ACAT1: variants seen among roughly 807,000 people sequenced by gnomAD.
ACAT1 encodes the protein acetyl-CoA acetyltransferase 1, also known as acetyl-CoA acetyltransferase, mitochondrial.
ACAT1 carries 28 observed loss-of-function variants against 47.3 expected under a neutral mutation model. The ratio of observed to expected loss-of-function variants is 0.59; its 90% CI spans 0.44 to 0.81. The LOEUF (loss-of-function observed/expected upper bound fraction) is 0.81, where lower values mean the gene tolerates loss of function less well. ACAT1 is among the 30% of genes least tolerant of loss of function. The pLI, the probability that ACAT1 is intolerant of heterozygous loss-of-function variation, is 0.00. For missense variants in ACAT1, 469 were observed against 524.3 expected, an observed-to-expected ratio of 0.89 and a Z score of 1.03; for synonymous variants, 181 against 173.6, an observed-to-expected ratio of 1.04 and a Z score of -0.34.
chr11:108,134,372 C>G, intron 4 of ACAT1, 56 bp downstream of exon 4: 1 of 1,412,960 alleles, frequency 7.1e-7, no homozygotes, highest in Non-Finnish European at 1.0e-6. Context: ...GGGCCGGGTG[C>G]GGTGGCTCAT....
chr11:108,123,550 C>A (rs2077188836), intron 1 of ACAT1, among the ~76,000 whole-genome samples: 1 of 152,172 alleles, frequency 6.6e-6, no homozygotes, highest in Non-Finnish European at 1.5e-5. Context: ...TCACTTTTCT[C>A]TCTCTGGTCA....
chr11:108,142,627 C>T (rs759462500), intron 9 of ACAT1, 77 bp downstream of exon 9: 12 of 1,235,012 alleles, frequency 9.7e-6, no homozygotes, highest in Admixed American at 5.4e-5. Context: ...GCTTGAGCCC[C>T]GGAGTTCGAA....
At chr11:108,121,200 C>CA (rs10561331), upstream of ACAT1, 2,198 of 251,970 alleles carry the variant, frequency 8.7e-3, 9 homozygotes, top group Non-Finnish European at 0.013. Context: ...GACCTTGTCT[C>CA]AAAAAAAAAA....
intron 8 of ACAT1, 51 bp from the exon 9 acceptor site, chr11:108,142,386 T>C (rs974776947): frequency 7.2e-7 from 1 of 1,392,070 alleles, no homozygotes; most frequent in African/African-American, 1.4e-5. Context: ...TTGAACCAAA[T>C]ACATTTATTG....
chr11:108,137,387 T>G (rs2077488013), intron 5 of ACAT1, among the ~76,000 whole-genome samples: 1 of 152,110 alleles, frequency 6.6e-6, no homozygotes. Flanking sequence ...TGTAAAGGCT[T>G]TATATATTAT....
At chr11:108,138,336 C>A (rs1226379463) in intron 5 of ACAT1, among the ~76,000 whole-genome samples, 1 of 143,382 alleles carries the variant, frequency 7.0e-6, no homozygotes, top group Non-Finnish European at 1.5e-5. Flanking sequence ...GAGACAGAGC[C>A]TTGCTGTCAC....
intron 1 of ACAT1, chr11:108,129,042 C>T (rs753318866): frequency 5.3e-5 from 8 of 152,170 alleles, no homozygotes; most frequent in Non-Finnish European, 1.2e-4. Context: ...CCCCACCCCC[C>T]GCCTTTCCCC....
intron 1 of ACAT1, among the ~76,000 whole-genome samples, chr11:108,129,605 T>G (rs1368293927): frequency 6.6e-6 from 1 of 152,050 alleles, no homozygotes; most frequent in Non-Finnish European, 1.5e-5. Context: ...CCGACCTCAT[T>G]ATCCGCCCGC....
chr11:108,121,806 C>A, intron 1 of ACAT1, 128 bp downstream of exon 1: 1 of 1,060,512 alleles, frequency 9.4e-7, no homozygotes, highest in Non-Finnish European at 1.4e-6. Context: ...AGGACAGTCA[C>A]GCGACGGGTT....
Position 108,147,519 on chromosome 11 carries a change from T to A in ACAT1, c.*129T>A, listed in dbSNP as rs1227588201. ...TTTTATTATTTTCTATGTTAACTTT[T>A]AAAAATCAAAATGATGAAATCCCAA... On this transcript the variant is annotated 3_prime_UTR_variant, in exon 12 of 12. Transcript: ENST00000265838. 4 of 1,237,898 alleles carry A rather than the reference T, an allele frequency of 3.2e-6. No homozygotes were observed. Among genetic ancestry groups the A allele is most frequent in the African/African-American group, 3.1e-5 (2 of 65,382 alleles). 76.7% of individuals were successfully genotyped at this position (1,237,898 alleles called of 1,614,324 possible).
rs2077706966 is a variant in ACAT1, at chr11:108,146,273, T to G, written c.1077T>G (p.Val359=). Residue 359 remains valine, a synonymous_variant, in exon 11 of 12, where the codon GTT becomes GTG. Coordinates refer to ENST00000265838, the MANE Select transcript of ACAT1 (RefSeq NM_000019.4). ...AAGTAAATGAAGCCTTTAGTCTGGT[T>G]GTACTAGCAAACATTAAAATGTTGG... ...MWEVNEAFSL[V]VLANIKMLEI... 1 of 1,613,660 alleles carries G rather than the reference T, an allele frequency of 6.2e-7. No homozygotes were observed. The highest frequency in any genetic ancestry group is 1.3e-5 in the African/African-American group (1 of 74,928).
At chr11:108,127,422 G>A (rs1437391413) in intron 1 of ACAT1, among the ~76,000 whole-genome samples, 4 of 151,866 alleles carry the variant, frequency 2.6e-5, no homozygotes, top group Admixed American at 1.3e-4. Context: ...CCGCCACCAC[G>A]CCTGGCTAAT....
intron 5 of ACAT1, 76 bp from the exon 6 acceptor site, chr11:108,138,822 G>A (rs2077522263): frequency 6.6e-7 from 1 of 1,508,260 alleles, no homozygotes; most frequent in Non-Finnish European, 9.2e-7. Context: ...CTTGTTTGGT[G>A]GTAGCTGTAT....
chr11:108,131,201 T>C (rs1185851282), intron 1 of ACAT1, among the ~76,000 whole-genome samples: 2 of 152,104 alleles, frequency 1.3e-5, no homozygotes, highest in Admixed American at 6.6e-5. Flanking sequence ...AATCAGACAA[T>C]TGTTGGAAGT....
At chr11:108,141,410 T>TGTAA (rs1220106715) in intron 7 of ACAT1, among the ~76,000 whole-genome samples, 195 bp from the exon 8 acceptor site, 1 of 149,380 alleles carries the variant, frequency 6.7e-6, no homozygotes, top group Non-Finnish European at 1.5e-5. Flanking sequence ...GAAGCTACTT[T>TGTAA]GTAAGTTTCT....
intron 9 of ACAT1, chr11:108,143,200 A>C (rs1005379350): frequency 6.6e-6 from 1 of 152,352 alleles, no homozygotes; most frequent in East Asian, 1.9e-4. Context: ...GTTACGTAGG[A>C]GGCTAAGGCT....
At chr11:108,139,162 T>C (rs1411681822) in intron 6 of ACAT1, 121 bp downstream of exon 6, 27 of 1,335,886 alleles carry the variant, frequency 2.0e-5, no homozygotes, top group Non-Finnish European at 1.1e-6. Flanking sequence ...ATTTTAGCCG[T>C]GTACTTTTGG....
intron 8 of ACAT1, among the ~76,000 whole-genome samples, chr11:108,141,959 A>G (rs2077596901): frequency 6.6e-6 from 1 of 152,192 alleles, no homozygotes; most frequent in Non-Finnish European, 1.5e-5. Context: ...ATTGGCATTG[A>G]AAAAAACAGA....
intron 11 of ACAT1, 76 bp downstream of exon 11, chr11:108,146,435 A>T: frequency 6.5e-7 from 1 of 1,535,548 alleles, no homozygotes; most frequent in Non-Finnish European, 9.0e-7. Context: ...CTGCTTCATA[A>T]TTCCCATTGC....
Sources: allele counts gnomAD v4.1 joint callset (sites outside exome capture counted in the v4.1 genomes callset), GRCh38; gene constraint gnomAD v4.1.1; transcripts MANE v1.5; gene names NCBI Gene and HGNC (gene_info 2026-07-23, HGNC 2026-07-21).